The following PI4KA variants were observed in gnomAD, a reference collection of about 807,000 sequenced individuals.
The protein encoded by PI4KA is phosphatidylinositol 4-kinase alpha.
A neutral mutation model predicts 271.4 loss-of-function variants in PI4KA; 122 were observed. The ratio of observed to expected loss-of-function variants is 0.45; its 90% confidence interval spans 0.39 to 0.52. PI4KA has a LOEUF of 0.52. Ranked by LOEUF, PI4KA falls within the 20% of genes least tolerant of loss-of-function variation. The pLI is 0.00. For missense variants in PI4KA, 1,969 were observed against 2,769.1 expected (o/e 0.71, Z 6.48); for synonymous variants, 1,041 against 1,078.8 (o/e 0.96, Z 0.69).
intron 22 of PI4KA, among the ~76,000 whole-genome samples, chr22:20,763,254 GGCAT>G: frequency 6.6e-6 from 1 of 151,828 alleles, no homozygotes; most frequent in South Asian, 2.1e-4. Flanking sequence ...TGGGACTACA[GGCAT>G]GCACCACCAC....
chr22:20,802,488 C>A (rs1430435960), intron 13 of PI4KA, among the ~76,000 whole-genome samples: 1 of 152,130 alleles, frequency 6.6e-6, no homozygotes, highest in African/African-American at 2.4e-5. Context: ...GGAGCAGGGG[C>A]CTTAGAGCCT....
intron 19 of PI4KA, among the ~76,000 whole-genome samples, chr22:20,769,236 C>T (rs926185715): frequency 2.6e-5 from 4 of 152,198 alleles, no homozygotes; most frequent in Admixed American, 2.0e-4. Flanking sequence ...CTGTGAACTT[C>T]TTGGCTCCCT....
chr22:20,847,538 T>C (rs1601615701), intron 1 of PI4KA, among the ~76,000 whole-genome samples: 1 of 151,706 alleles, frequency 6.6e-6, no homozygotes, highest in African/African-American at 2.4e-5. Context: ...CAGCCTGGGG[T>C]ACATGGTGAA....
chr22:20,836,362 A>C lies in PI4KA; in HGVS notation c.274-1707T>G, dbSNP rs139183083. 3.3e-3 allele frequency among the ~76,000 whole-genome samples: 510 copies of C among 152,336 alleles called. 5 individuals carry two copies. Among genetic ancestry groups the C allele is most frequent in the African/African-American group, 0.012 (486 of 41,582 alleles). On this transcript the variant is annotated intron_variant, in intron 2 of 54. Coordinates refer to ENST00000255882, the MANE Select transcript of PI4KA (RefSeq NM_058004.4). ...CATAATAGATAACTAAAAACAAAGA[A>C]CTTTATCAAAAACAAAAGTTTTTTC...
chr22:20,766,482 GGT>G (rs1405298828), intron 19 of PI4KA, among the ~76,000 whole-genome samples: 1 of 152,144 alleles, frequency 6.6e-6, no homozygotes, highest in Non-Finnish European at 1.5e-5. Context: ...TGGCCAACAT[GGT>G]GAAACCCCAT....
intron 28 of PI4KA, among the ~76,000 whole-genome samples, chr22:20,749,453 C>T (rs1018056138): frequency 1.3e-5 from 2 of 152,268 alleles, no homozygotes; most frequent in Non-Finnish European, 2.9e-5. Flanking sequence ...GACTCCCATG[C>T]ACCTACATGT....
At chr22:20,715,593 G>C (rs553821163) in intron 45 of PI4KA, among the ~76,000 whole-genome samples, 13 of 151,268 alleles carry the variant, frequency 8.6e-5, no homozygotes, top group African/African-American at 3.2e-4. Flanking sequence ...TCCTGCCTCA[G>C]CCTCCCGAGT....
At chr22:20,741,352 C>T (rs574316692) in intron 32 of PI4KA, among the ~76,000 whole-genome samples, 1 of 152,318 alleles carries the variant, frequency 6.6e-6, no homozygotes, top group African/African-American at 2.4e-5. Flanking sequence ...CAGAGCCCTG[C>T]AGGCTGAAGC....
chr22:20,758,834 C>T (rs997667990), intron 23 of PI4KA, among the ~76,000 whole-genome samples: 4 of 152,160 alleles, frequency 2.6e-5, no homozygotes, highest in Non-Finnish European at 5.9e-5. Context: ...CTCAAATGGG[C>T]TCCTTGCTCA....
At chr22:20,740,997 T>C (rs571374296) in intron 32 of PI4KA, among the ~76,000 whole-genome samples, 2 of 152,312 alleles carry the variant, frequency 1.3e-5, no homozygotes, top group South Asian at 4.1e-4. Flanking sequence ...AAAGTGTGAG[T>C]GATGAAAAAC....
chr22:20,814,300 G>A (rs1921451158), intron 7 of PI4KA, among the ~76,000 whole-genome samples: 1 of 152,172 alleles, frequency 6.6e-6, no homozygotes, highest in South Asian at 2.1e-4. Context: ...CATACATAGA[G>A]GTAGAATGGT....
Position 20,819,622 on chromosome 22 carries a change from C to A in PI4KA, c.789+19G>T, listed in dbSNP as rs1262247504. On this transcript the variant is annotated intron_variant, in intron 6 of 54. Transcript: ENST00000255882. ...CAGGGTCTTTCTCCTCTGCTCTTTCCCCAGTAGCCCAGGCCCACCTGAGAG... is the reference window on the plus strand; with the variant it reads ...CAGGGTCTTTCTCCTCTGCTCTTTCACCAGTAGCCCAGGCCCACCTGAGAG... 2 of 1,608,434 alleles carry A rather than the reference C, an allele frequency of 1.2e-6. No homozygotes were observed.
intron 19 of PI4KA, among the ~76,000 whole-genome samples, chr22:20,777,238 C>CG (rs1281814526): frequency 6.7e-6 from 1 of 148,356 alleles, no homozygotes; most frequent in Non-Finnish European, 1.5e-5. Flanking sequence ...TTTTTTGAGA[C>CG]GGAGTTTCGC....
intron 30 of PI4KA, among the ~76,000 whole-genome samples, chr22:20,743,380 A>G (rs1174127434): frequency 6.6e-6 from 1 of 152,074 alleles, no homozygotes; most frequent in Admixed American, 6.6e-5. Flanking sequence ...CTGACCTCAA[A>G]TAATCCGCCC....
intron 4 of PI4KA, among the ~76,000 whole-genome samples, chr22:20,824,118 AAAAAG>A (rs1041741757): frequency 1.1e-4 from 16 of 152,056 alleles, no homozygotes; most frequent in African/African-American, 3.9e-4. Flanking sequence ...AGAAAAAAAA[AAAAAG>A]AAAAGTTTAA....
intron 29 of PI4KA, among the ~76,000 whole-genome samples, chr22:20,746,058 A>T (rs7290230): frequency 9.3e-6 from 1 of 107,368 alleles, no homozygotes. Context: ...AAAAAAAAAA[A>T]GAATTTTTTT....
intron 3 of PI4KA, among the ~76,000 whole-genome samples, chr22:20,824,925 C>G (rs1923200592): frequency 2.0e-5 from 3 of 151,674 alleles, no homozygotes; most frequent in Admixed American, 2.0e-4. Context: ...CAAAAATTAG[C>G]TGGGTGTGGT....
rs777598771 is a variant in PI4KA, at chr22:20,807,368, T to C, written c.1162A>G (p.Met388Val). The C allele has an allele frequency of 6.2e-7, 1 of 1,600,014 alleles. No individual in the cohort carries two copies. The highest frequency in any genetic ancestry group is 1.7e-5 in the Admixed American group (1 of 59,994). ...FKMLRDTLYYMKDLPTSFVKE... is the reference protein window; with the variant it reads ...FKMLRDTLYYVKDLPTSFVKE... ...ATGGGCAAACTGTCCTCACCCTTCA[T>C]GTAGTACAGAGTGTCACGCAGCATC... Residue 388 changes from methionine to valine, a missense_variant, in exon 10 of 55, where the codon ATG becomes GTG. Transcript: ENST00000255882.
intron 43 of PI4KA, 53 bp downstream of exon 43, chr22:20,721,224 CTGGGGGCTGTAGAAGGTGCTT>C (rs939832360): frequency 2.2e-5 from 34 of 1,544,288 alleles, no homozygotes; most frequent in Non-Finnish European, 2.9e-5. Context: ...GGCGAGAGCC[CTGGGGGCTGTAGAAGGTGCTT>C]GGCAGTGCAC....
Sources: gnomAD v4.1 joint callset for allele counts (sites outside exome capture counted in the v4.1 genomes callset) on GRCh38, gnomAD v4.1.1 for gene constraint, MANE v1.5 for transcripts, NCBI Gene and HGNC (gene_info 2026-07-23, HGNC 2026-07-21) for gene names.